The following MLYCD variants were observed in gnomAD, a reference collection of about 807,000 sequenced individuals.
MLYCD encodes the protein malonyl-CoA decarboxylase.
Under a neutral mutation model 35.8 loss-of-function variants are expected in MLYCD, and 27 were observed. The ratio of observed to expected loss-of-function variants is 0.75; its 90% CI spans 0.56 to 1.04. The LOEUF (loss-of-function observed/expected upper bound fraction) is 1.04. Among genes scored for constraint, MLYCD ranks in the 50% least tolerant of loss-of-function variants. The probability of loss-of-function intolerance (pLI) is 0.00; values close to 1 mark genes in which losing one functional copy is unlikely to be tolerated. For synonymous variants in MLYCD, 403 were observed against 302.4 expected (o/e 1.33, Z -3.45); for missense variants, 917 against 665.1 (o/e 1.38, Z -4.17).
In MLYCD at chr16:83,915,789, G is replaced by C; in HGVS notation, c.*300G>C. ...CTCCCTGCCCGGGGCTGGTGCTGTG[G>C]TACCTACATCTTCAGGAAGCTGTGC... On this transcript the variant is annotated 3_prime_UTR_variant, in exon 5 of 5. Coordinates refer to ENST00000262430, the MANE Select transcript of MLYCD (RefSeq NM_012213.3). 2.3e-6 allele frequency: 3 copies of C among 1,299,486 alleles called. No individual in the cohort carries two copies. The highest frequency in any genetic ancestry group is 3.0e-6 in the Non-Finnish European group (3 of 1,014,550). The allele number at this position is 1,299,486 out of a possible 1,614,324, so 80.5% of individuals were successfully genotyped here. A position where few individuals can be genotyped will look rare whatever the true frequency, so the allele number is the denominator to read the frequency against.
intron 3 of MLYCD, 117 bp downstream of exon 3, chr16:83,908,399 G>C: frequency 2.3e-6 from 3 of 1,298,130 alleles, no homozygotes; most frequent in Non-Finnish European, 2.1e-6. Flanking sequence ...TAAATAAATG[G>C]TTTTGGGCTT....
chr16:83,908,533 T>G (rs1293971457), intron 3 of MLYCD, among the ~76,000 whole-genome samples: 2 of 152,034 alleles, frequency 1.3e-5, no homozygotes, highest in Non-Finnish European at 2.9e-5. Context: ...TGAGATACAG[T>G]TAAAGTCTAT....
chr16:83,909,161 C>A (rs1410533955), intron 3 of MLYCD, among the ~76,000 whole-genome samples: 1 of 152,180 alleles, frequency 6.6e-6, no homozygotes, highest in Non-Finnish European at 1.5e-5. Context: ...ATTCTGACTT[C>A]TCTGAGGGCA....
intron 4 of MLYCD, chr16:83,912,824 T>G: frequency 3.7e-6 from 1 of 273,374 alleles, no homozygotes; most frequent in Non-Finnish European, 7.2e-6. Flanking sequence ...AGCTTGGGCC[T>G]TCTCATGGCC....
At position 83,899,193 on chromosome 16, in the gene MLYCD, C is replaced by T. The variant is rs1445976406; in HGVS notation, c.49C>T (p.Arg17Trp). The change falls in exon 1 of 5, where the codon CGG becomes TGG. Residue 17 changes from arginine (R) to tryptophan (W), a missense_variant. By Grantham distance (101) the Arg-to-Trp change is moderately radical. Coordinates refer to ENST00000262430, the MANE Select transcript of MLYCD (RefSeq NM_012213.3). ...GACGGCCAGGCGTCTCCTCCCGCTG[C>T]GGTTGCCCCCGCGGCCGCCCGGGCC... Reference protein sequence around the residue: ...GLTARRLLPLRLPPRPPGPRL... With the variant: ...GLTARRLLPLWLPPRPPGPRL... The T allele has an allele frequency of 3.3e-5, 39 of 1,174,472 alleles. No individual in the cohort carries two copies. The highest frequency in any genetic ancestry group is 4.0e-5 in the Non-Finnish European group (38 of 955,064). The allele number at this position is 1,174,472 out of a possible 1,614,324, so 72.8% of individuals were successfully genotyped here. A position where few individuals can be genotyped will look rare whatever the true frequency, so the allele number is the denominator to read the frequency against.
intron 4 of MLYCD, 115 bp from the exon 5 acceptor site, chr16:83,914,841 G>T: frequency 7.0e-7 from 1 of 1,432,706 alleles, no homozygotes; most frequent in African/African-American, 1.4e-5. Flanking sequence ...ATGTCACTCT[G>T]ACCGCTACAC....
rs1907058830 is a variant in MLYCD at position 83,908,408 on chromosome 16, T to A, written c.798+126T>A. ...TTTTTTTAAATAAATGGTTTTGGGCTTTTTTAAATTGGTTAAATAAAATCT... is the reference window on the plus strand; with the variant it reads ...TTTTTTTAAATAAATGGTTTTGGGCATTTTTAAATTGGTTAAATAAAATCT... On this transcript the variant is annotated intron_variant, in intron 3 of 4. Transcript: ENST00000262430. The A allele has an allele frequency of 6.6e-6, 8 of 1,221,254 alleles. No individual in the cohort carries two copies. In the South Asian group the frequency reaches 1.2e-4, roughly 19 times the overall value. The allele number at this position is 1,221,254 out of a possible 1,614,324, so 75.7% of individuals were successfully genotyped here.
chr16:83,908,436 A>T lies in MLYCD; in HGVS notation c.798+154A>T, dbSNP rs78758878. ...TTTAAATTGGTTAAATAAAATCTCCAGATTTGTAGGTGTAGAGCGTAGAAG... is the reference window on the plus strand; with the variant it reads ...TTTAAATTGGTTAAATAAAATCTCCTGATTTGTAGGTGTAGAGCGTAGAAG... On this transcript the variant is annotated intron_variant, in intron 3 of 4. Transcript: ENST00000262430. 0.054 allele frequency among the ~76,000 whole-genome samples: 8,145 copies of T among 151,366 alleles called. 318 individuals carry two copies. Among genetic ancestry groups the T allele is most frequent in the Non-Finnish European group, 0.087 (5,885 of 67,896 alleles).
In MLYCD at chr16:83,915,251, C is replaced by T. The variant is rs1366671965; in HGVS notation, c.1244C>T (p.Ala415Val). Residue 415 changes from alanine to valine, a missense_variant, in exon 5 of 5, where the codon GCG becomes GTG. By Grantham distance (64) the Ala-to-Val change is moderately conservative. Coordinates refer to ENST00000262430, the MANE Select transcript of MLYCD (RefSeq NM_012213.3). ...TATGGAGAGAAGCACCGCGGCTACG[C>T]GCTGAACCCCGTGGCCAACTTCCAC... ...YLYGEKHRGY[A>V]LNPVANFHLQ... 17 of 1,612,498 alleles carry T rather than the reference C, an allele frequency of 1.1e-5. No individual in the cohort carries two copies. Among genetic ancestry groups the T allele is most frequent in the African/African-American group, 4.0e-5 (3 of 74,912 alleles).
At position 83,915,219 on chromosome 16, in the gene MLYCD, G is replaced by C; in HGVS notation, c.1212G>C (p.Trp404Cys). 1 of 1,613,924 alleles carries C rather than the reference G, an allele frequency of 6.2e-7. No individual in the cohort carries two copies. The highest frequency in any genetic ancestry group is 8.5e-7 in the Non-Finnish European group (1 of 1,179,808). The change falls in exon 5 of 5, where the codon TGG becomes TGC. Residue 404 changes from tryptophan to cysteine, a missense_variant. Physicochemically the swap from Trp to Cys is radical, Grantham distance 215. Coordinates refer to ENST00000262430, the MANE Select transcript of MLYCD (RefSeq NM_012213.3). ...CTCCGCTGATGAGGCTGTGCGCCTG[G>C]TACCTGTATGGAGAGAAGCACCGCG... Reference protein sequence around the residue: ...LQTPLMRLCAWYLYGEKHRGY... With the variant: ...LQTPLMRLCACYLYGEKHRGY...
chr16:83,915,987 C>T lies in MLYCD; in HGVS notation c.*498C>T. ...GGACAAAGGGCTGTGCTACACTTCC[C>T]AGTTACATTCTGAAGCTCATAAATG... On this transcript the variant is annotated 3_prime_UTR_variant, in exon 5 of 5. Coordinates refer to ENST00000262430, the MANE Select transcript of MLYCD (RefSeq NM_012213.3). 9.9e-7 allele frequency: 1 copy of T among 1,013,568 alleles called. No homozygotes were observed. The highest frequency in any genetic ancestry group is 4.1e-5 in the South Asian group (1 of 24,388). The allele number at this position is 1,013,568 out of a possible 1,614,324, so 62.8% of individuals were successfully genotyped here. A position where few individuals can be genotyped will look rare whatever the true frequency, so the allele number is the denominator to read the frequency against.
At position 83,918,758 on chromosome 16, in the gene MLYCD, C is replaced by T. The variant is rs1907531711; in HGVS notation, c.*3269C>T. 1.0e-5 allele frequency: 1 copy of T among 100,444 alleles called. No individual in the cohort carries two copies. 6.2% of individuals were successfully genotyped at this position (100,444 alleles called of 1,614,324 possible). On this transcript the variant is annotated 3_prime_UTR_variant, in exon 5 of 5. Coordinates refer to ENST00000262430, the MANE Select transcript of MLYCD (RefSeq NM_012213.3). ...AGAACACAGTGCACAGGAGAACACG[C>T]ACACAGTGCACAGAGAACCACACAG...
chr16:83,905,841 G>A (rs1487360822), intron 1 of MLYCD, among the ~76,000 whole-genome samples: 9 of 152,180 alleles, frequency 5.9e-5, no homozygotes, highest in Admixed American at 1.3e-4. Flanking sequence ...TACAGCCATC[G>A]GGGAACAACA....
intron 1 of MLYCD, among the ~76,000 whole-genome samples, chr16:83,902,155 G>GTGTATATATATATATATA (rs1555537769): frequency 1.1e-5 from 1 of 87,318 alleles, no homozygotes; most frequent in African/African-American, 4.6e-5. Flanking sequence ...GTGTGCGTGC[G>GTGTATATATATATATATA]TATATATATA....
At position 83,920,646 on chromosome 16, in the gene MLYCD, G is replaced by T. The variant is rs187757555; in HGVS notation, c.*5157G>T. 5 of 152,328 alleles carry T rather than the reference G, an allele frequency of 3.3e-5. No individual in the cohort carries two copies. In the East Asian group the frequency reaches 9.6e-4, roughly 29 times the overall value. The allele number at this position is 152,328 out of a possible 1,614,324, so 9.4% of individuals were successfully genotyped here. ...GAAGAGCTGCACATCCGCTGCCTCT[G>T]TGTGGCAGGCGTGTCCGAGACTGCA... is the stretch of plus-strand genomic sequence containing the variant. On this transcript the variant is annotated 3_prime_UTR_variant, in exon 5 of 5. Coordinates refer to ENST00000262430, the MANE Select transcript of MLYCD (RefSeq NM_012213.3).
chr16:83,911,172 G>T lies in MLYCD; in HGVS notation c.799-1046G>T, dbSNP rs896505567. Among the ~76,000 whole-genome samples, 23 of 152,132 alleles carry T rather than the reference G, an allele frequency of 1.5e-4. No individual in the cohort carries two copies. In the South Asian group the frequency reaches 4.8e-3, roughly 32 times the overall value. ...TTTTTGTATTTTTAGTAGAGACGGG[G>T]TTTCACCGTGTTAGCCAGGGTGGTC... On this transcript the variant is annotated intron_variant, in intron 3 of 4. Transcript: ENST00000262430.
chr16:83,901,572 C>T (rs1315154583), intron 1 of MLYCD, among the ~76,000 whole-genome samples: 1 of 152,196 alleles, frequency 6.6e-6, no homozygotes, highest in African/African-American at 2.4e-5. Flanking sequence ...CTTTGTCCCT[C>T]ATTGATTTCT....
chr16:83,910,917 C>G (rs1907154222), intron 3 of MLYCD, among the ~76,000 whole-genome samples: 1 of 152,190 alleles, frequency 6.6e-6, no homozygotes, highest in African/African-American at 2.4e-5. Flanking sequence ...GGGAAAAATG[C>G]TGAGGATGTT....
intron 1 of MLYCD, 48 bp downstream of exon 1, chr16:83,899,720 C>G: frequency 1.4e-6 from 2 of 1,476,288 alleles, no homozygotes; most frequent in Non-Finnish European, 1.8e-6. Context: ...GGCCGCCCTC[C>G]TCGAGTAGTC....
Sources: gnomAD v4.1 joint callset for allele counts (sites outside exome capture counted in the v4.1 genomes callset) on GRCh38, gnomAD v4.1.1 for gene constraint, MANE v1.5 for transcripts, NCBI Gene and HGNC (gene_info 2026-07-23, HGNC 2026-07-21) for gene names.